CMAS: variants seen among roughly 807,000 people sequenced by gnomAD.
The protein encoded by CMAS is cytidine monophosphate N-acetylneuraminic acid synthetase, also known as N-acylneuraminate cytidylyltransferase.
Under a neutral mutation model 53.4 loss-of-function variants are expected in CMAS, and 21 were observed. The observed-to-expected ratio is 0.39, with a 90% confidence interval of 0.28 to 0.57. The LOEUF (loss-of-function observed/expected upper bound fraction) is 0.57. Among genes scored for constraint, CMAS ranks in the 20% least tolerant of loss-of-function variants. The probability of loss-of-function intolerance (pLI) is 0.56; values close to 1 mark genes in which losing one functional copy is unlikely to be tolerated. For synonymous variants in CMAS, 189 were observed against 195.2 expected, an observed-to-expected ratio of 0.97 and a Z score of 0.27; for missense variants, 384 against 534.9, an observed-to-expected ratio of 0.72 and a Z score of 2.78.
chr12:22,059,764 A>C (rs1451834957), intron 4 of CMAS, among the ~76,000 whole-genome samples: 5 of 152,174 alleles, frequency 3.3e-5, no homozygotes, highest in Non-Finnish European at 7.4e-5. Flanking sequence ...TTTTCTAAGG[A>C]GGACCATGAT....
At chr12:22,061,973 G>A (rs145304918) in intron 6 of CMAS, among the ~76,000 whole-genome samples, 1 of 152,082 alleles carries the variant, frequency 6.6e-6, no homozygotes, top group East Asian at 1.9e-4. Context: ...AATTATAGGA[G>A]AATCTTAGAG....
At chr12:22,047,502 A>T (rs905309299) in intron 1 of CMAS, among the ~76,000 whole-genome samples, 17 of 152,110 alleles carry the variant, frequency 1.1e-4, no homozygotes, top group African/African-American at 3.6e-4. Context: ...ATATTTGCTT[A>T]CCCATATTAA....
chr12:22,052,378 AGAAG>A (rs71053370), intron 1 of CMAS, among the ~76,000 whole-genome samples: 19,419 of 152,068 alleles, frequency 0.13, 1,857 homozygotes, highest in East Asian at 0.47. Context: ...AATGAACGAA[AGAAG>A]GAAGGAAGGA....
intron 3 of CMAS, among the ~76,000 whole-genome samples, chr12:22,057,225 TTACACACACACACA>T (rs150030385): frequency 0.025 from 3,559 of 143,722 alleles, 83 homozygotes; most frequent in African/African-American, 0.061. Context: ...TAACCAGCTA[TTACACACACACACA>T]TACACACACA....
At chr12:22,054,179 G>A (rs1016495633) in intron 1 of CMAS, among the ~76,000 whole-genome samples, 3 of 151,900 alleles carry the variant, frequency 2.0e-5, no homozygotes, top group Admixed American at 6.6e-5. Context: ...CACCCGCCTC[G>A]GCTTCCCAAA....
intron 1 of CMAS, among the ~76,000 whole-genome samples, chr12:22,046,825 G>C (rs757644854): frequency 3.9e-5 from 6 of 152,194 alleles, no homozygotes; most frequent in Non-Finnish European, 7.3e-5. Context: ...ATCCGTAAAA[G>C]GGGAGATTAC....
At position 22,062,356 on chromosome 12, in the gene CMAS, A is replaced by G; in HGVS notation, c.1036A>G (p.Ser346Gly). 2.5e-6 allele frequency: 4 copies of G among 1,613,364 alleles called. No individual in the cohort carries two copies. Among genetic ancestry groups the G allele is most frequent in the Non-Finnish European group, 3.4e-6 (4 of 1,179,722 alleles). The change falls in exon 7 of 8, where the codon AGT becomes GGT. Residue 346 changes from serine (S) to glycine (G), a missense_variant. Transcript: ENST00000229329. ...SLKLDCKMEVSVSDKLAVVDE... is the reference protein window; with the variant it reads ...SLKLDCKMEVGVSDKLAVVDE... ...AAAACTGGATTGCAAAATGGAAGTC[A>G]GTGTATCAGACAAGCTAGCAGTTGT...
chr12:22,048,700 GTC>G (rs1950221776), intron 1 of CMAS, among the ~76,000 whole-genome samples: 1 of 152,170 alleles, frequency 6.6e-6, no homozygotes, highest in African/African-American at 2.4e-5. Context: ...CCAGAACCCT[GTC>G]TCAGTGAAAT....
At chr12:22,049,788 C>G (rs1950228906) in intron 1 of CMAS, among the ~76,000 whole-genome samples, 1 of 152,016 alleles carries the variant, frequency 6.6e-6, no homozygotes, top group Non-Finnish European at 1.5e-5. Flanking sequence ...GCCTGTAATC[C>G]CAGCTACTCA....
chr12:22,056,111 T>TAAAC (rs1260257102), intron 3 of CMAS, among the ~76,000 whole-genome samples: 1 of 152,228 alleles, frequency 6.6e-6, no homozygotes, highest in African/African-American at 2.4e-5. Context: ...AGAATTATTA[T>TAAAC]AAACACTGTG....
In CMAS at chr12:22,061,463, C is replaced by T. The variant is rs1950308021; in HGVS notation, c.960+11C>T. 6.6e-7 allele frequency: 1 copy of T among 1,513,528 alleles called. No individual in the cohort carries two copies. Among genetic ancestry groups the T allele is most frequent in the African/African-American group, 1.4e-5 (1 of 71,318 alleles). 93.8% of individuals were successfully genotyped at this position (1,513,528 alleles called of 1,614,324 possible). On this transcript the variant is annotated intron_variant, in intron 6 of 7. Transcript: ENST00000229329. Reference sequence around the variant, plus strand: ...AAAAGTGGTATTGAGGTATGTGCTCCCTGAATATAGCAGTATTTTATAATA... The same window carrying T: ...AAAAGTGGTATTGAGGTATGTGCTCTCTGAATATAGCAGTATTTTATAATA...
intron 3 of CMAS, among the ~76,000 whole-genome samples, chr12:22,058,357 G>T (rs1402756613): frequency 2.0e-5 from 3 of 151,090 alleles, no homozygotes; most frequent in Admixed American, 6.6e-5. Flanking sequence ...CCCAGGAGGC[G>T]GAGGTTGCAG....
chr12:22,050,547 T>C (rs1950234775), intron 1 of CMAS, among the ~76,000 whole-genome samples: 1 of 152,236 alleles, frequency 6.6e-6, no homozygotes, highest in Non-Finnish European at 1.5e-5. Context: ...CTAACATTCT[T>C]TGACTTTGAA....
intron 1 of CMAS, among the ~76,000 whole-genome samples, chr12:22,048,140 G>A (rs1162453988): frequency 6.6e-6 from 1 of 152,158 alleles, no homozygotes; most frequent in African/African-American, 2.4e-5. Flanking sequence ...AGGCACTGTT[G>A]TATGTACCGA....
chr12:22,061,746 T>A (rs768158015), intron 6 of CMAS, among the ~76,000 whole-genome samples: 35 of 152,166 alleles, frequency 2.3e-4, no homozygotes, highest in Non-Finnish European at 4.3e-4. Context: ...ATTCCCTAGA[T>A]AATAGGTGTA....
intron 7 of CMAS, among the ~76,000 whole-genome samples, chr12:22,064,110 C>A (rs1027812007): frequency 4.6e-5 from 7 of 152,044 alleles, no homozygotes; most frequent in Non-Finnish European, 1.0e-4. Context: ...CAAATTTCAA[C>A]ACATTTAATA....
chr12:22,053,751 C>T (rs868645416), intron 1 of CMAS, among the ~76,000 whole-genome samples: 16 of 147,922 alleles, frequency 1.1e-4, no homozygotes, highest in Middle Eastern at 3.4e-3. Context: ...TGTTGGCGGG[C>T]GCCTGTAGTC....
intron 1 of CMAS, among the ~76,000 whole-genome samples, chr12:22,051,027 A>G (rs1052743728): frequency 2.2e-4 from 33 of 152,096 alleles, no homozygotes; most frequent in African/African-American, 8.0e-4. Flanking sequence ...AGAAAATTGC[A>G]GCTGTCTGAT....
chr12:22,062,207 A>T, intron 6 of CMAS, 74 bp from the exon 7 acceptor site: 1 of 1,367,084 alleles, frequency 7.3e-7, no homozygotes, highest in Non-Finnish European at 9.8e-7. Flanking sequence ...GTCAATTATT[A>T]TGAAAGATTT....
Sources: gnomAD v4.1 joint callset for allele counts (sites outside exome capture counted in the v4.1 genomes callset) on GRCh38, gnomAD v4.1.1 for gene constraint, MANE v1.5 for transcripts, NCBI Gene and HGNC (gene_info 2026-07-23, HGNC 2026-07-21) for gene names.